The following TRARG1 variants were observed in gnomAD, a reference collection of about 807,000 sequenced individuals.
The protein encoded by TRARG1 is trafficking regulator of GLUT4 (SLC2A4) 1 (gene/pseudogene), also known as trafficking regulator of GLUT4 1.
In TRARG1, 16 loss-of-function variants were observed where a neutral mutation model predicts 13.3. The ratio of observed to expected loss-of-function variants is 1.20; its 90% CI spans 0.81 to 1.83. The LOEUF (loss-of-function observed/expected upper bound fraction) is 1.83, where lower values mean the gene tolerates loss of function less well. Ranked by LOEUF, TRARG1 falls within the 40% of genes most tolerant of loss-of-function variation. The pLI is 0.00. For synonymous variants in TRARG1, 113 were observed against 106.2 expected (o/e 1.06, Z -0.39); for missense variants, 250 against 237.4 (o/e 1.05, Z -0.35).
At position 1,280,013 on chromosome 17, in the gene TRARG1, G is replaced by C. The variant is rs761608607; in HGVS notation, c.12G>C (p.Pro4=). The change falls in exon 1 of 3, where the codon CCG becomes CCC. Residue 4 remains proline, a synonymous_variant. Transcript: ENST00000333813. MAH[P]VQSEFPSAQE... ...AGGCCCAGGCCCCCATGGCCCACCC[G>C]GTGCAGTCCGAGTTTCCTTCAGCAC... 6.2e-7 allele frequency: 1 copy of C among 1,611,718 alleles called. No individual in the cohort carries two copies. The highest frequency in any genetic ancestry group is 1.7e-5 in the Admixed American group (1 of 59,926).
intron 1 of TRARG1, among the ~76,000 whole-genome samples, chr17:1,283,593 G>A (rs931435013): frequency 2.7e-5 from 4 of 148,228 alleles, no homozygotes; most frequent in African/African-American, 5.0e-5. Flanking sequence ...GATCTCCTGA[G>A]ATCAGGAGTT....
chr17:1,280,449 C>G, intron 1 of TRARG1, 61 bp downstream of exon 1: 13 of 1,483,172 alleles, frequency 8.8e-6, no homozygotes, highest in Non-Finnish European at 1.2e-5. Flanking sequence ...AGGTGTTTCC[C>G]CCAGGCAGGC....
rs1323181847 is a variant in TRARG1, at chr17:1,298,722, G to C, written c.*458G>C. 1 of 167,812 alleles carries C rather than the reference G, an allele frequency of 6.0e-6. No individual in the cohort carries two copies. 10.4% of individuals were successfully genotyped at this position (167,812 alleles called of 1,614,324 possible). A position where few individuals can be genotyped will look rare whatever the true frequency, so the allele number is the denominator to read the frequency against. The stretch of plus-strand genomic sequence containing the variant: ...CCCATCTTTTGTGTTTTCCTCAAGC[G>C]GGGAAAGAATGGACTGTTTGCATGC... On this transcript the variant is annotated 3_prime_UTR_variant, in exon 3 of 3. Transcript: ENST00000333813.
intron 1 of TRARG1, among the ~76,000 whole-genome samples, chr17:1,292,041 G>T (rs950497684): frequency 1.4e-4 from 21 of 152,276 alleles, no homozygotes; most frequent in African/African-American, 3.6e-4. Flanking sequence ...CGTGGTGGAT[G>T]CCTGTAATCC....
chr17:1,286,568 GTCAGCCTGTGGGGTGTTA>G (rs1567929915), intron 1 of TRARG1, among the ~76,000 whole-genome samples: 3 of 100,724 alleles, frequency 3.0e-5, no homozygotes, highest in East Asian at 3.4e-4. Context: ...GTGGGGTGTT[GTCAGCCTGTGGGGTGTTA>G]TCGGCCTGTG....
rs1216048749 is a variant in TRARG1, at chr17:1,285,587, CT to C, written c.387+5200del. Among the ~76,000 whole-genome samples, 3 of 152,272 alleles carry C rather than the reference CT, an allele frequency of 2.0e-5. No individual in the cohort carries two copies. The East Asian group carries it at 5.8e-4, about 29-fold the overall frequency. On this transcript the variant is annotated intron_variant, in intron 1 of 2. Transcript: ENST00000333813. ...GGGCGTGGTGGCGCACGCCTGTAAT[CT>C]CAGCTACTCTGGAGGCTGAGGCAGG... is the stretch of plus-strand genomic sequence containing the variant.
In TRARG1 at chr17:1,297,049, C is replaced by T. The variant is rs578206776; in HGVS notation, c.521-1202C>T. Among the ~76,000 whole-genome samples the T allele has an allele frequency of 2.0e-5, 3 of 152,238 alleles. No individual in the cohort carries two copies. The South Asian group carries it at 6.2e-4, about 32-fold the overall frequency. ...CCGGGTCTGAACTGCCGATTTTCTT[C>T]CTTTCATACACGTACATCAGGAAGT... On this transcript the variant is annotated intron_variant, in intron 2 of 2. Coordinates refer to ENST00000333813, the MANE Select transcript of TRARG1 (RefSeq NM_172367.3).
chr17:1,293,624 G>T (rs569585478), intron 1 of TRARG1, among the ~76,000 whole-genome samples: 1 of 152,018 alleles, frequency 6.6e-6, no homozygotes, highest in South Asian at 2.1e-4. Flanking sequence ...TGTGTTTGAT[G>T]ATGTCGCAGG....
rs754701438 is a variant in TRARG1 at position 1,295,512 on chromosome 17, G to T, written c.409G>T (p.Gly137Cys). 6.2e-7 allele frequency: 1 copy of T among 1,610,928 alleles called. No individual in the cohort carries two copies. The highest frequency in any genetic ancestry group is 8.5e-7 in the Non-Finnish European group (1 of 1,178,860). The change falls in exon 2 of 3, where the codon GGC (glycine) becomes TGC (cysteine). Residue 137 changes from glycine (G) to cysteine (C), a missense_variant. By Grantham distance (159) the Gly-to-Cys change is radical. Transcript: ENST00000333813. ...GCAGTCTCGAAGCAGCATGCAACAG[G>T]GCAACGTGGACGGCGCCCGGAGGCT... is the stretch of plus-strand genomic sequence containing the variant. ...SIMSRSSMQQ[G>C]NVDGARRLGR...
chr17:1,298,662 T>C lies in TRARG1; in HGVS notation c.*398T>C, dbSNP rs1205235343. The C allele has an allele frequency of 1.4e-5, 3 of 220,780 alleles. No homozygotes were observed. Among genetic ancestry groups the C allele is most frequent in the African/African-American group, 6.8e-5 (3 of 44,112 alleles). 13.7% of individuals were successfully genotyped at this position (220,780 alleles called of 1,614,324 possible). ...GCGGGGAGAGACGCAGCAGAGCTCC[T>C]TCCTGTCTGTGGACTCGGAGCAAAG... On this transcript the variant is annotated 3_prime_UTR_variant, in exon 3 of 3. Coordinates refer to ENST00000333813, the MANE Select transcript of TRARG1 (RefSeq NM_172367.3).
In TRARG1 at chr17:1,279,789, C is replaced by T. The variant is rs115565600; in HGVS notation, c.-213C>T. 3.3e-5 allele frequency: 17 copies of T among 521,366 alleles called. No homozygotes were observed. In the East Asian group the frequency reaches 3.7e-4, roughly 11 times the overall value. The allele number at this position is 521,366 out of a possible 1,614,324, so 32.3% of individuals were successfully genotyped here. On this transcript the variant is annotated 5_prime_UTR_variant, in exon 1 of 3. Transcript: ENST00000333813. Reference sequence around the variant, plus strand: ...CTCCAGCGTCTTTCTGGGAGCTCCGCGGGGGCAGCAGGCAGGCCCCAGCCT... The same window carrying T: ...CTCCAGCGTCTTTCTGGGAGCTCCGTGGGGGCAGCAGGCAGGCCCCAGCCT...
chr17:1,282,285 C>CATATATGCACGTATATGTACATATGCGT (rs2071987266), intron 1 of TRARG1, among the ~76,000 whole-genome samples: 13 of 136,848 alleles, frequency 9.5e-5, no homozygotes, highest in Admixed American at 2.3e-4. Flanking sequence ...CGTATATGTA[C>CATATATGCACGTATATGTACATATGCGT]ATATATGTAC....
At chr17:1,281,690 G>T (rs913019805) in intron 1 of TRARG1, among the ~76,000 whole-genome samples, 38 of 152,158 alleles carry the variant, frequency 2.5e-4, no homozygotes, top group Admixed American at 2.3e-3. Flanking sequence ...GGACCCAGGG[G>T]TGCAGCCAGT....
intron 1 of TRARG1, among the ~76,000 whole-genome samples, chr17:1,282,370 G>T (rs144699210): frequency 6.8e-6 from 1 of 147,616 alleles, no homozygotes; most frequent in Non-Finnish European, 1.5e-5. Flanking sequence ...ATATATGTAC[G>T]TATATGTATA....
chr17:1,282,023 T>C (rs575349130), intron 1 of TRARG1, among the ~76,000 whole-genome samples: 2 of 142,160 alleles, frequency 1.4e-5, no homozygotes, highest in East Asian at 2.1e-4. Flanking sequence ...TACATATACA[T>C]ATGTACATAT....
intron 1 of TRARG1, among the ~76,000 whole-genome samples, chr17:1,288,615 C>G (rs536991504): frequency 1.7e-5 from 1 of 59,840 alleles, no homozygotes; most frequent in African/African-American, 8.0e-5. Flanking sequence ...TCATCCCCCA[C>G]GGGTTCCCCA....
rs111582469 is a variant in TRARG1, at chr17:1,285,339, C to T, written c.387+4951C>T. ...GGCAGGAGGATTACTTAAACCCGGGCGGCAGAGATTGCAATGAGCCAAGAT... is the reference window on the plus strand; with the variant it reads ...GGCAGGAGGATTACTTAAACCCGGGTGGCAGAGATTGCAATGAGCCAAGAT... On this transcript the variant is annotated intron_variant, in intron 1 of 2. Coordinates refer to ENST00000333813, the MANE Select transcript of TRARG1 (RefSeq NM_172367.3). Among the ~76,000 whole-genome samples, 10 of 151,946 alleles carry T rather than the reference C, an allele frequency of 6.6e-5. No individual in the cohort carries two copies. In the South Asian group the frequency reaches 1.0e-3, roughly 16 times the overall value.
chr17:1,286,683 T>C (rs1413399695), intron 1 of TRARG1, among the ~76,000 whole-genome samples: 1 of 141,454 alleles, frequency 7.1e-6, no homozygotes, highest in Admixed American at 7.1e-5. Flanking sequence ...AGGGGTGTTA[T>C]CAGCCTGTGG....
At chr17:1,283,087 G>A (rs1177486425) in intron 1 of TRARG1, among the ~76,000 whole-genome samples, 1 of 152,194 alleles carries the variant, frequency 6.6e-6, no homozygotes, top group Non-Finnish European at 1.5e-5. Context: ...AGAACCTCCA[G>A]TCCGGCAGGA....
Sources: allele counts gnomAD v4.1 joint callset (sites outside exome capture counted in the v4.1 genomes callset), GRCh38; gene constraint gnomAD v4.1.1; transcripts MANE v1.5; gene names NCBI Gene and HGNC (gene_info 2026-07-23, HGNC 2026-07-21).